Variants in OTOF observed in about 807,000 individuals in gnomAD.
OTOF encodes the protein fer-1-like family member 2.
OTOF carries 218 observed loss-of-function variants against 236.8 expected under a neutral mutation model. That is an observed-to-expected ratio of 0.92 (90% confidence interval 0.82 to 1.03). The LOEUF is 1.03. OTOF is among the 50% of genes least tolerant of loss of function. OTOF has a pLI of 0.00. For missense variants in OTOF, 2,590 were observed against 2,694.4 expected, an observed-to-expected ratio of 0.96 and a Z score of 0.86; for synonymous variants, 1,041 against 1,072.5, an observed-to-expected ratio of 0.97 and a Z score of 0.57.
chr2:26,464,873 C>G lies in OTOF; in HGVS notation c.4956G>C (p.Glu1652Asp), dbSNP rs2148026104. Residue 1652 changes from glutamate (E) to aspartate (D), a missense_variant, in exon 39 of 47, where the codon GAG becomes GAC. By Grantham distance (45) the Glu-to-Asp change is conservative (BLOSUM62 2). Coordinates refer to ENST00000272371, the MANE Select transcript of OTOF (RefSeq NM_194248.3). ...CTGCATCCAGTGCCCCATTACCGTT[C>G]TCGTCCTCAATCTCAGAGGGCCCAG... ...VFTGPSEIED[E>D]NGQRKPTDEH... 6.2e-7 allele frequency: 1 copy of G among 1,603,138 alleles called. No homozygotes were observed. Among genetic ancestry groups the G allele is most frequent in the Non-Finnish European group, 8.5e-7 (1 of 1,174,410 alleles).
chr2:26,512,584 A>C (rs1347201884), intron 5 of OTOF, among the ~76,000 whole-genome samples: 1 of 152,132 alleles, frequency 6.6e-6, no homozygotes, highest in Non-Finnish European at 1.5e-5. Flanking sequence ...CAACACTGAG[A>C]GCCTGGGGAG....
In OTOF at chr2:26,477,625, C is replaced by T. The variant is rs114287189; in HGVS notation, c.2315+24G>A. 25,624 of 1,611,788 alleles carry T rather than the reference C, an allele frequency of 0.016. 405 individuals are homozygous for T. Among genetic ancestry groups the T allele is most frequent in the Middle Eastern group, 0.064 (385 of 6,060 alleles). ...GTCCAGTTCCGCCTCATCCTCCCCC[C>T]ACCTGCCGCCCCTCCCTTCTCACCA... On this transcript the variant is annotated intron_variant, in intron 19 of 46. Transcript: ENST00000272371. The surrounding 1 kb of genome is among the most constrained non-coding windows in gnomAD (Gnocchi z 4.7).
chr2:26,542,373 C>T (rs889092844), intron 1 of OTOF, among the ~76,000 whole-genome samples: 2 of 152,138 alleles, frequency 1.3e-5, no homozygotes, highest in African/African-American at 2.4e-5. Flanking sequence ...CGAATCTGAA[C>T]GATGCCTTTA....
chr2:26,485,841 T>C (rs1439035192), intron 11 of OTOF, among the ~76,000 whole-genome samples: 1 of 152,108 alleles, frequency 6.6e-6, no homozygotes, highest in Non-Finnish European at 1.5e-5. Flanking sequence ...CAGTAGAGTC[T>C]GAAGAGAGGG....
chr2:26,525,010 C>T (rs1052496436), intron 3 of OTOF, among the ~76,000 whole-genome samples: 2 of 152,160 alleles, frequency 1.3e-5, no homozygotes, highest in African/African-American at 4.8e-5. Context: ...GTGAGCCTTC[C>T]ACTTGTTCCT....
chr2:26,466,108 C>A (rs1417170173), intron 36 of OTOF, 32 bp from the exon 37 acceptor site: 5 of 1,613,582 alleles, frequency 3.1e-6, no homozygotes, highest in South Asian at 1.1e-5. Context: ...CCTGAGCAGG[C>A]TCCCATGCCC....
At chr2:26,558,472 C>G in intron 1 of OTOF, 21 bp downstream of exon 1, 1 of 1,611,048 alleles carries the variant, frequency 6.2e-7, no homozygotes, top group Non-Finnish European at 8.5e-7. Context: ...TGGCGTCCCT[C>G]TGAGACAGCG....
At position 26,483,501 on chromosome 2, in the gene OTOF, G is replaced by A. The variant is rs1039974977; in HGVS notation, c.1353C>T (p.Leu451=). The change falls in exon 13 of 47, where the codon CTC becomes CTT. Residue 451 remains leucine, a synonymous_variant. Transcript: ENST00000272371. The stretch of plus-strand genomic sequence containing the variant: ...AGAAGACTTGCACGTAGGGGTCCAC[G>A]AGGTCCTTGTTTTCACCGATGAAAG... ...KKAFIGENKD[L]VDPYVQVFFA... The A allele has an allele frequency of 1.1e-5, 18 of 1,613,836 alleles. No individual in the cohort carries two copies. Among genetic ancestry groups the A allele is most frequent in the Admixed American group, 6.7e-5 (4 of 60,004 alleles).
chr2:26,461,999 A>T lies in OTOF; in HGVS notation c.5292-62T>A. ...GGTGGGGCCTCTCCCACCCACAGCC[A>T]CCTTCCCTCTGCCTCCTCTCCTGCC... On this transcript the variant is annotated intron_variant, in intron 42 of 46. Coordinates refer to ENST00000272371, the MANE Select transcript of OTOF (RefSeq NM_194248.3). The surrounding 1 kb of genome is among the most constrained non-coding windows in gnomAD (Gnocchi z 6.2). 1.2e-6 allele frequency: 2 copies of T among 1,612,918 alleles called. No individual in the cohort carries two copies. The highest frequency in any genetic ancestry group is 1.7e-6 in the Non-Finnish European group (2 of 1,179,658).
In OTOF at chr2:26,457,513, G is replaced by A. The variant is rs1572393573; in HGVS notation, c.*725C>T. The A allele has an allele frequency of 6.5e-6, 1 of 153,392 alleles. No individual in the cohort carries two copies. The highest frequency in any genetic ancestry group is 1.5e-5 in the Non-Finnish European group (1 of 68,850). 9.5% of individuals were successfully genotyped at this position (153,392 alleles called of 1,614,324 possible). Reference sequence around the variant, plus strand: ...CCTGGGAAGTGAGAGGAGCCAAGTGGAGCCCAGCAGTGGCAGAAGCAGCCG... The same window carrying A: ...CCTGGGAAGTGAGAGGAGCCAAGTGAAGCCCAGCAGTGGCAGAAGCAGCCG... On this transcript the variant is annotated 3_prime_UTR_variant, in exon 47 of 47. Transcript: ENST00000272371. This position sits in a 1 kb window ranked among gnomAD's most constrained non-coding sequence, Gnocchi z 4.4.
At chr2:26,515,452 G>A (rs1156651404) in intron 5 of OTOF, among the ~76,000 whole-genome samples, 1 of 152,232 alleles carries the variant, frequency 6.6e-6, no homozygotes, top group Non-Finnish European at 1.5e-5. Flanking sequence ...TCATGCACCT[G>A]TGTGTGAGGG....
chr2:26,556,802 G>C (rs903509193), intron 1 of OTOF, among the ~76,000 whole-genome samples: 1 of 152,180 alleles, frequency 6.6e-6, no homozygotes, highest in Admixed American at 6.5e-5. Flanking sequence ...GGGCCTGTCC[G>C]GTGCAGCCTG....
intron 35 of OTOF, 82 bp downstream of exon 35, chr2:26,467,017 G>T: frequency 6.3e-7 from 1 of 1,575,954 alleles, no homozygotes; most frequent in Admixed American, 1.7e-5. Flanking sequence ...GGCCGGGGCA[G>T]TGGTGGGAGG....
intron 1 of OTOF, among the ~76,000 whole-genome samples, chr2:26,557,310 G>A (rs1031921916): frequency 9.2e-5 from 14 of 151,986 alleles, no homozygotes; most frequent in African/African-American, 2.2e-4. Flanking sequence ...TCACCACCTC[G>A]TCCCCATCCC....
rs1002985049 is a variant in OTOF at position 26,470,859 on chromosome 2, G to A, written c.3895-138C>T. Reference sequence around the variant, plus strand: ...TCTGTGGGGCCACCCATGTCCAAGGGGCAGGGCCTTATTTTATGGAGAAGG... The same window carrying A: ...TCTGTGGGGCCACCCATGTCCAAGGAGCAGGGCCTTATTTTATGGAGAAGG... On this transcript the variant is annotated intron_variant, in intron 31 of 46. Coordinates refer to ENST00000272371, the MANE Select transcript of OTOF (RefSeq NM_194248.3). This position sits in a 1 kb window ranked among gnomAD's most constrained non-coding sequence, Gnocchi z 4.3. 3.3e-4 allele frequency: 491 copies of A among 1,469,420 alleles called. No individual in the cohort carries two copies. Among genetic ancestry groups the A allele is most frequent in the Non-Finnish European group, 4.2e-4 (456 of 1,086,144 alleles). The allele number at this position is 1,469,420 out of a possible 1,614,324, so 91.0% of individuals were successfully genotyped here.
At chr2:26,501,280 A>C (rs1245033919) in intron 8 of OTOF, among the ~76,000 whole-genome samples, 1 of 152,254 alleles carries the variant, frequency 6.6e-6, no homozygotes, top group Non-Finnish European at 1.5e-5. Context: ...AATACAGAGA[A>C]GCAAAAAGAA....
intron 1 of OTOF, among the ~76,000 whole-genome samples, chr2:26,538,961 C>T (rs905108045): frequency 2.0e-5 from 3 of 151,992 alleles, no homozygotes; most frequent in Admixed American, 1.3e-4. Context: ...TTACAGGCGC[C>T]GCCACCATGC....
rs748460764 is a variant in OTOF at position 26,527,972 on chromosome 2, G to A, written c.139-52C>T. The A allele has an allele frequency of 2.5e-5, 33 of 1,298,650 alleles. No homozygotes were observed. In the Middle Eastern group the frequency reaches 5.5e-4, roughly 22 times the overall value. 80.4% of individuals were successfully genotyped at this position (1,298,650 alleles called of 1,614,324 possible). A position where few individuals can be genotyped will look rare whatever the true frequency, so the allele number is the denominator to read the frequency against. Reference sequence around the variant, plus strand: ...TCGGTGGCAATAACAGGTAGGAGCCGTGGGGTGTGGGAGGGGAATCTCTTG... The same window carrying A: ...TCGGTGGCAATAACAGGTAGGAGCCATGGGGTGTGGGAGGGGAATCTCTTG... On this transcript the variant is annotated intron_variant, in intron 2 of 46. Transcript: ENST00000272371.
chr2:26,461,887 T>A lies in OTOF; in HGVS notation c.5342A>T (p.His1781Leu). 1 of 1,613,534 alleles carries A rather than the reference T, an allele frequency of 6.2e-7. No homozygotes were observed. The highest frequency in any genetic ancestry group is 8.5e-7 in the Non-Finnish European group (1 of 1,179,888). Residue 1781 changes from histidine to leucine, a missense_variant, in exon 43 of 47, where the codon CAC becomes CTC. His to Leu is a moderately conservative substitution (Grantham distance 99, BLOSUM62 -3). Around this residue, in one of 2 missense-constraint regions of OTOF, gnomAD observed 1,211 missense variants for 1,352.8 expected, o/e 0.90. Coordinates refer to ENST00000272371, the MANE Select transcript of OTOF (RefSeq NM_194248.3). This position sits in a 1 kb window ranked among gnomAD's most constrained non-coding sequence, Gnocchi z 6.2. ...GAAGTTGCCCTCGCCAGTGAGGGAG[T>A]GGTAGTGGACGTCTGTGTCCTGCTT... The part of the protein sequence containing the change: ...EDKQDTDVHY[H>L]SLTGEGNFNW...
Sources: allele counts gnomAD v4.1 joint callset (sites outside exome capture counted in the v4.1 genomes callset), GRCh38; gene constraint gnomAD v4.1.1; regional missense constraint gnomAD v4.1.1; non-coding constraint Gnocchi (gnomAD v3.1); transcripts MANE v1.5; gene names NCBI Gene and HGNC (gene_info 2026-07-23, HGNC 2026-07-21).